ERICH2: variants seen among roughly 807,000 people sequenced by gnomAD.
ERICH2 encodes glutamate rich 2.
A neutral mutation model predicts 17.4 loss-of-function variants in ERICH2; 17 were observed. The ratio of observed to expected loss-of-function variants is 0.98; its 90% confidence interval spans 0.67 to 1.47. ERICH2 has a LOEUF of 1.47. Ranked by LOEUF, ERICH2 falls within the 40% of genes most tolerant of loss-of-function variation. The pLI is 0.00. For missense variants in ERICH2, 186 were observed against 183.2 expected, an observed-to-expected ratio of 1.01 and a Z score of -0.09; for synonymous variants, 51 against 61.1, an observed-to-expected ratio of 0.83 and a Z score of 0.77.
chr2:170,788,518 G>A (rs908145348), intron 2 of ERICH2, among the ~76,000 whole-genome samples: 6 of 151,874 alleles, frequency 4.0e-5, no homozygotes, highest in African/African-American at 1.5e-4. Context: ...TGTCACCCAG[G>A]CTGAGTTCAG....
At chr2:170,786,706 T>TA (rs1332971751) in intron 2 of ERICH2, among the ~76,000 whole-genome samples, 1 of 152,206 alleles carries the variant, frequency 6.6e-6, no homozygotes, top group African/African-American at 2.4e-5. Context: ...CATATTTTTT[T>TA]AGATAATATC....
At chr2:170,783,245 C>G (rs1220342904), upstream of ERICH2, 2 of 152,258 alleles carry the variant, frequency 1.3e-5, no homozygotes, top group Non-Finnish European at 2.9e-5. Flanking sequence ...TTCTACCCTT[C>G]TCACTACTGC....
the ERICH2 span, among the ~76,000 whole-genome samples, chr2:170,773,211 G>A: frequency 6.6e-6 from 1 of 152,188 alleles, no homozygotes; most frequent in African/African-American, 2.4e-5. Context: ...TTGGGAAAGG[G>A]TGGTTATCAT....
intron 3 of ERICH2, among the ~76,000 whole-genome samples, chr2:170,795,836 G>A (rs1183235063): frequency 3.3e-5 from 5 of 152,170 alleles, no homozygotes; most frequent in African/African-American, 1.2e-4. Flanking sequence ...GGCAGCCTGA[G>A]ATTCTCTACA....
chr2:170,783,135 TAAATA>T (rs751169728), upstream of ERICH2: 37,116 of 150,748 alleles, frequency 0.25, 4,987 homozygotes, highest in South Asian at 0.33. Context: ...AAAATAAAAA[TAAATA>T]AAAATAAAAT....
intron 2 of ERICH2, among the ~76,000 whole-genome samples, chr2:170,791,762 G>T (rs1307654251): frequency 2.0e-5 from 3 of 151,706 alleles, no homozygotes; most frequent in Non-Finnish European, 4.4e-5. Flanking sequence ...TGAGAATTTT[G>T]ATGAAATTAA....
At chr2:170,795,557 A>G (rs1701395843) in intron 3 of ERICH2, among the ~76,000 whole-genome samples, 1 of 152,036 alleles carries the variant, frequency 6.6e-6, no homozygotes, top group Non-Finnish European at 1.5e-5. Flanking sequence ...CACATTGCCC[A>G]GGTTGGTCTC....
At chr2:170,779,864 A>G (rs2105681095), upstream of ERICH2, 1 of 983,988 alleles carries the variant, frequency 1.0e-6, no homozygotes, top group South Asian at 4.7e-5. Flanking sequence ...GTCTCTGTAA[A>G]TGTAGCTAAA....
chr2:170,776,653 C>T, the ERICH2 span, among the ~76,000 whole-genome samples: 1 of 152,176 alleles, frequency 6.6e-6, no homozygotes, highest in Admixed American at 6.5e-5. Context: ...GCTGAGATTA[C>T]AGGCTTGAGC....
chr2:170,796,069 G>A (rs1392253798), intron 3 of ERICH2, among the ~76,000 whole-genome samples: 1 of 152,116 alleles, frequency 6.6e-6, no homozygotes, highest in African/African-American at 2.4e-5. Flanking sequence ...AAAGAAACTA[G>A]TATCTAAAGA....
chr2:170,787,917 A>G (rs746893506), intron 2 of ERICH2, among the ~76,000 whole-genome samples: 2 of 152,172 alleles, frequency 1.3e-5, no homozygotes, highest in Non-Finnish European at 2.9e-5. Flanking sequence ...GTTGTTTCAT[A>G]TATTTATGTC....
At chr2:170,792,033 G>A (rs1701302541) in intron 2 of ERICH2, among the ~76,000 whole-genome samples, 1 of 151,980 alleles carries the variant, frequency 6.6e-6, no homozygotes, top group Non-Finnish European at 1.5e-5. Flanking sequence ...AAAGTATAGG[G>A]GATTTTTTTG....
chr2:170,771,872 G>T, the ERICH2 span, among the ~76,000 whole-genome samples: 3 of 152,124 alleles, frequency 2.0e-5, no homozygotes, highest in South Asian at 2.1e-4. The surrounding 1 kb of genome is among the most constrained non-coding windows in gnomAD (Gnocchi z 4.8). Context: ...TTATTGTTTG[G>T]CATAGGTGTC....
upstream of ERICH2, among the ~76,000 whole-genome samples, chr2:170,781,126 T>C (rs1320637199): frequency 1.3e-5 from 2 of 152,226 alleles, no homozygotes; most frequent in African/African-American, 2.4e-5. Context: ...TGTAACAACC[T>C]GGTCAACCTA....
exon 1 of ERICH2, chr2:170,783,846 C>G (rs1369705641): frequency 1.3e-6 from 2 of 1,550,516 alleles, no homozygotes; most frequent in African/African-American, 2.7e-5. Flanking sequence ...CTGATGGAGA[C>G]TGTAAATGAA....
Position 170,798,885 on chromosome 2 carries a change from T to C in ERICH2, c.462T>C (p.Asp154=), listed in dbSNP as rs1307020924. Residue 154 remains aspartate (D), a synonymous_variant, in exon 5 of 5, where the codon GAT becomes GAC. Coordinates refer to ENST00000409885, the Ensembl canonical transcript of ERICH2. Reference sequence around the variant, plus strand: ...ACGAGAGCTCTGACGAAGGTGAAGATGGATCATGAGTGTTGCTGCAATACT... The same window carrying C: ...ACGAGAGCTCTGACGAAGGTGAAGACGGATCATGAGTGTTGCTGCAATACT... 4 of 1,550,460 alleles carry C rather than the reference T, an allele frequency of 2.6e-6. No individual in the cohort carries two copies. The African/African-American group carries it at 4.1e-5, about 16-fold the overall frequency.
chr2:170,798,884 A>G, exon 5 of ERICH2: 1 of 1,550,618 alleles, frequency 6.4e-7, no homozygotes, highest in Non-Finnish European at 8.7e-7. Context: ...GAAGGTGAAG[A>G]TGGATCATGA....
chr2:170,772,774 T>C, the ERICH2 span, among the ~76,000 whole-genome samples: 1 of 152,304 alleles, frequency 6.6e-6, no homozygotes, highest in African/African-American at 2.4e-5. Context: ...TGTCTCTCCT[T>C]CTCACCAGAG....
intron 2 of ERICH2, among the ~76,000 whole-genome samples, chr2:170,785,143 G>T (rs1701127728): frequency 6.6e-6 from 1 of 152,098 alleles, no homozygotes; most frequent in Admixed American, 6.6e-5. Context: ...CCAGCACAAA[G>T]AAAAGATAAG....
Sources: allele counts gnomAD v4.1 joint callset (sites outside exome capture counted in the v4.1 genomes callset), GRCh38; gene constraint gnomAD v4.1.1; non-coding constraint Gnocchi (gnomAD v3.1); transcripts MANE v1.5; gene names NCBI Gene and HGNC (gene_info 2026-07-23, HGNC 2026-07-21).